RANBP17: variants seen among roughly 807,000 people sequenced by gnomAD.
RANBP17 encodes the protein RAN binding protein 17, also known as ran-binding protein 17.
In RANBP17, 158 loss-of-function variants were observed where a neutral mutation model predicts 141.2. That is an observed-to-expected ratio of 1.12 (90% CI 0.98 to 1.28). The LOEUF is 1.28. Ranked by LOEUF, RANBP17 falls within the 50% of genes most tolerant of loss-of-function variation. The pLI, the probability that RANBP17 is intolerant of heterozygous loss-of-function variation, is 0.00. For synonymous variants in RANBP17, 430 were observed against 450.0 expected (o/e 0.96, Z 0.56); for missense variants, 1,438 against 1,290.7 (o/e 1.11, Z -1.75).
chr5:171,083,856 C>T (rs180802369), intron 14 of RANBP17, among the ~76,000 whole-genome samples: 3 of 152,148 alleles, frequency 2.0e-5, no homozygotes, highest in Non-Finnish European at 2.9e-5. Flanking sequence ...CCATGTGAGA[C>T]GTGCCTTTCA....
At chr5:171,168,621 T>G (rs932867329) in intron 14 of RANBP17, among the ~76,000 whole-genome samples, 1 of 152,150 alleles carries the variant, frequency 6.6e-6, no homozygotes, top group African/African-American at 2.4e-5. Flanking sequence ...TTGAGGATTG[T>G]TGGTAACTGA....
chr5:171,298,829 G>C lies in RANBP17; in HGVS notation c.3238G>C (p.Glu1080Gln). ...AEALRSDGNT[E>Q]PCSLDMMS is the part of the protein sequence containing the mutation. ...GGCGTTGCGCAGTGATGGCAACACT[G>C]AACCATGCAGTCTCGACATGATGAG... The change falls in exon 28 of 28, where the codon GAA (glutamate) becomes CAA (glutamine). Residue 1080 changes from glutamate (E) to glutamine (Q), a missense_variant. By Grantham distance (29) the Glu-to-Gln change is conservative. Transcript: ENST00000523189. The C allele has an allele frequency of 6.2e-7, 1 of 1,614,146 alleles. No homozygotes were observed. Among genetic ancestry groups the C allele is most frequent in the Non-Finnish European group, 8.5e-7 (1 of 1,180,004 alleles).
rs529081253 is a variant in RANBP17, at chr5:170,955,530, G to GTA, written c.1574+1840_1574+1841dup. Among the ~76,000 whole-genome samples the GTA allele has an allele frequency of 6.9e-4, 74 of 107,726 alleles. No homozygotes were observed. The South Asian group carries it at 0.021, about 31-fold the overall frequency. The allele number at this position is 107,726 out of a possible 152,430, so 70.7% of individuals were successfully genotyped here. On this transcript the variant is annotated intron_variant, in intron 13 of 27. Coordinates refer to ENST00000523189, the MANE Select transcript of RANBP17 (RefSeq NM_022897.5). ...ATATGTATATATATGCTCAGTCTGTGTATATATATATATGCTCAGTCTGTG... is the reference window on the plus strand; with the variant it reads ...ATATGTATATATATGCTCAGTCTGTGTATATATATATATATGCTCAGTCTGTG...
At chr5:171,097,187 G>T (rs17566587) in intron 14 of RANBP17, among the ~76,000 whole-genome samples, 8,509 of 152,032 alleles carry the variant, frequency 0.056, 363 homozygotes, top group Admixed American at 0.13. Flanking sequence ...TCTCTCTTTA[G>T]CTTGTCCCTT....
At chr5:171,239,517 A>AAG (rs1764733111) in intron 22 of RANBP17, among the ~76,000 whole-genome samples, 1 of 152,212 alleles carries the variant, frequency 6.6e-6, no homozygotes, top group African/African-American at 2.4e-5. Context: ...ATCTTAGGCA[A>AAG]AGATGGGGAA....
At chr5:171,207,973 T>TAA (rs148069285) in intron 20 of RANBP17, 2 of 152,160 alleles carry the variant, frequency 1.3e-5, no homozygotes, top group Non-Finnish European at 2.9e-5. Flanking sequence ...ATAAGTATGA[T>TAA]AAAAAAATGC....
intron 12 of RANBP17, among the ~76,000 whole-genome samples, chr5:170,933,707 C>T (rs1468432336): frequency 2.0e-5 from 3 of 152,070 alleles, no homozygotes; most frequent in African/African-American, 4.8e-5. Context: ...GTTCAGTTTC[C>T]ATGTAGTTGA....
intron 22 of RANBP17, among the ~76,000 whole-genome samples, chr5:171,232,169 A>G (rs1764243241): frequency 6.6e-6 from 1 of 152,232 alleles, no homozygotes; most frequent in African/African-American, 2.4e-5. Flanking sequence ...TTAAAAGTTA[A>G]TGTTTTTAAG....
intron 25 of RANBP17, among the ~76,000 whole-genome samples, chr5:171,291,758 GC>G (rs1166655550): frequency 6.6e-6 from 1 of 152,088 alleles, no homozygotes; most frequent in Admixed American, 6.5e-5. Flanking sequence ...GATATGGGTT[GC>G]CATGTCAGTA....
intron 25 of RANBP17, among the ~76,000 whole-genome samples, chr5:171,275,351 G>A (rs1261722410): frequency 6.6e-6 from 1 of 152,136 alleles, no homozygotes; most frequent in African/African-American, 2.4e-5. Flanking sequence ...TTATACTTGT[G>A]TAATTTGTAT....
At chr5:171,204,328 A>G (rs1335146281) in intron 19 of RANBP17, among the ~76,000 whole-genome samples, 8 of 152,170 alleles carry the variant, frequency 5.3e-5, no homozygotes, top group Admixed American at 2.6e-4. Flanking sequence ...GAAATTCTAG[A>G]TACTTCTGAG....
intron 4 of RANBP17, among the ~76,000 whole-genome samples, chr5:170,893,374 T>TA (rs1178304610): frequency 6.6e-6 from 1 of 152,196 alleles, no homozygotes; most frequent in Non-Finnish European, 1.5e-5. Flanking sequence ...TGTTTACTCT[T>TA]ACTCAGGATG....
At chr5:171,222,848 T>G (rs1561778197) in intron 22 of RANBP17, among the ~76,000 whole-genome samples, 1 of 152,028 alleles carries the variant, frequency 6.6e-6, no homozygotes, top group Non-Finnish European at 1.5e-5. Context: ...AGGCTGGTCT[T>G]GAACTCCTGA....
intron 22 of RANBP17, among the ~76,000 whole-genome samples, chr5:171,228,265 C>T (rs1030156088): frequency 1.3e-5 from 2 of 152,084 alleles, no homozygotes; most frequent in Non-Finnish European, 1.5e-5. Flanking sequence ...CAATATTTAG[C>T]GGGAGTTTGG....
At chr5:171,096,712 G>A (rs2127736691) in intron 14 of RANBP17, among the ~76,000 whole-genome samples, 1 of 152,168 alleles carries the variant, frequency 6.6e-6, no homozygotes, top group East Asian at 1.9e-4. Context: ...ATAAATTTAG[G>A]GAAATAATAA....
At chr5:171,185,327 A>G (rs192562995) in intron 18 of RANBP17, among the ~76,000 whole-genome samples, 1 of 152,220 alleles carries the variant, frequency 6.6e-6, no homozygotes, top group East Asian at 1.9e-4. Flanking sequence ...GGCTGTGGCA[A>G]TTTCTTAAAA....
chr5:170,963,462 A>C (rs934942895), intron 13 of RANBP17, among the ~76,000 whole-genome samples: 1 of 152,232 alleles, frequency 6.6e-6, no homozygotes, highest in African/African-American at 2.4e-5. Flanking sequence ...ACAATAACAA[A>C]AACTTCTGCA....
intron 22 of RANBP17, among the ~76,000 whole-genome samples, chr5:171,227,482 G>C (rs998123439): frequency 6.6e-6 from 1 of 152,220 alleles, no homozygotes; most frequent in Non-Finnish European, 1.5e-5. Context: ...AGCAGAGGTT[G>C]GTTCATGAGG....
At chr5:171,064,870 TAA>T (rs765136011) in intron 14 of RANBP17, among the ~76,000 whole-genome samples, 1 of 146,688 alleles carries the variant, frequency 6.8e-6, no homozygotes. Flanking sequence ...TTCCTCAATT[TAA>T]AAAAAAAAAA....
Sources: allele counts gnomAD v4.1 joint callset (sites outside exome capture counted in the v4.1 genomes callset), GRCh38; gene constraint gnomAD v4.1.1; transcripts MANE v1.5; gene names NCBI Gene and HGNC (gene_info 2026-07-23, HGNC 2026-07-21).